The following MYH11 variants were observed in gnomAD, a reference collection of about 807,000 sequenced individuals.
The protein encoded by MYH11 is myosin heavy chain 11, also known as myosin-11.
MYH11 carries 80 observed loss-of-function variants against 246.6 expected under a neutral mutation model. The observed-to-expected ratio is 0.32, with a 90% CI of 0.27 to 0.39. The LOEUF is 0.39. Ranked by LOEUF, MYH11 falls within the 10% of genes least tolerant of loss-of-function variation. The pLI is 1.00. For synonymous variants in MYH11, 1,071 were observed against 1,015.5 expected, an observed-to-expected ratio of 1.05 and a Z score of -1.04; for missense variants, 2,158 against 2,546.8, an observed-to-expected ratio of 0.85 and a Z score of 3.29.
At chr16:15,838,873 A>AAAG (rs1379873477) in intron 1 of MYH11, among the ~76,000 whole-genome samples, 2 of 146,140 alleles carry the variant, frequency 1.4e-5, no homozygotes, top group South Asian at 2.2e-4. Flanking sequence ...AAAAAAAAAA[A>AAAG]AAGAAGAAGA....
chr16:15,773,126 C>A (rs2042143087), intron 8 of MYH11, among the ~76,000 whole-genome samples: 1 of 151,642 alleles, frequency 6.6e-6, no homozygotes, highest in Non-Finnish European at 1.5e-5. Flanking sequence ...GTCCTCAGTG[C>A]CAAAAGTAAC....
chr16:15,797,251 A>G (rs1200384741), intron 4 of MYH11, among the ~76,000 whole-genome samples: 1 of 152,172 alleles, frequency 6.6e-6, no homozygotes, highest in Non-Finnish European at 1.5e-5. Context: ...ATCCATCACC[A>G]TCTGAAATTC....
intron 2 of MYH11, among the ~76,000 whole-genome samples, chr16:15,835,894 A>T (rs1403835020): frequency 6.6e-6 from 1 of 151,440 alleles, no homozygotes; most frequent in African/African-American, 2.4e-5. Context: ...AGCTGGGATT[A>T]TGAGTACGCA....
At chr16:15,720,752 G>C in intron 33 of MYH11, 87 bp downstream of exon 33, 1 of 1,420,082 alleles carries the variant, frequency 7.0e-7, no homozygotes, top group South Asian at 1.1e-5. Context: ...TAAAGAAAAC[G>C]AAGTTTCCAC....
At chr16:15,763,741 T>TGGGCCCCCCCCCCCCC in intron 10 of MYH11, 55 bp downstream of exon 10, 3 of 646,836 alleles carry the variant, frequency 4.6e-6, no homozygotes, top group East Asian at 3.2e-5. Flanking sequence ...AAATGTCACC[T>TGGGCCCCCCCCCCCCC]CCCCCACCCC....
chr16:15,813,745 C>T (rs1337756687), intron 3 of MYH11, among the ~76,000 whole-genome samples: 1 of 151,864 alleles, frequency 6.6e-6, no homozygotes, highest in East Asian at 1.9e-4. Context: ...GGAATCCCAG[C>T]TCTTAGGAAG....
Position 15,750,393 on chromosome 16 carries a change from G to A in MYH11, c.1865-62C>T. The A allele has an allele frequency of 6.6e-7, 1 of 1,507,394 alleles. No homozygotes were observed. The highest frequency in any genetic ancestry group is 8.9e-7 in the Non-Finnish European group (1 of 1,117,634). The allele number at this position is 1,507,394 out of a possible 1,614,324, so 93.4% of individuals were successfully genotyped here. A position where few individuals can be genotyped will look rare whatever the true frequency, so the allele number is the denominator to read the frequency against. On this transcript the variant is annotated intron_variant, in intron 15 of 40. Coordinates refer to ENST00000300036, the MANE Select transcript of MYH11 (RefSeq NM_002474.3). The surrounding 1 kb of genome is among the most constrained non-coding windows in gnomAD (Gnocchi z 4.3). Reference sequence around the variant, plus strand: ...CCACCCACCCCTAAATAGGCCAGAGGCTCAGCCCCAGCCCCACCCACCAAC... The same window carrying A: ...CCACCCACCCCTAAATAGGCCAGAGACTCAGCCCCAGCCCCACCCACCAAC...
intron 20 of MYH11, among the ~76,000 whole-genome samples, chr16:15,742,512 C>G (rs994434367): frequency 2.0e-5 from 3 of 152,086 alleles, no homozygotes; most frequent in African/African-American, 7.2e-5. Context: ...GAGGCCGAGG[C>G]AAGCGCTTGA....
intron 27 of MYH11, among the ~76,000 whole-genome samples, chr16:15,728,767 G>A (rs1248869596): frequency 2.0e-5 from 3 of 152,082 alleles, no homozygotes. Flanking sequence ...GGGCATGGTG[G>A]CAGTCACCTG....
intron 5 of MYH11, chr16:15,786,361 G>A: frequency 1.6e-6 from 1 of 607,312 alleles, no homozygotes; most frequent in Non-Finnish European, 3.0e-6. Context: ...CCCCGACGTG[G>A]AGGAAGATCT....
At chr16:15,742,614 C>T (rs1275278826) in intron 20 of MYH11, among the ~76,000 whole-genome samples, 1 of 151,912 alleles carries the variant, frequency 6.6e-6, no homozygotes, top group East Asian at 2.0e-4. Flanking sequence ...GCCTGTAGTC[C>T]CAGCTAGTGA....
intron 2 of MYH11, among the ~76,000 whole-genome samples, chr16:15,827,494 G>A (rs1217066117): frequency 6.6e-6 from 1 of 152,136 alleles, no homozygotes; most frequent in African/African-American, 2.4e-5. Flanking sequence ...GAGGTAAGCG[G>A]GGCCCAGGAG....
chr16:15,776,640 A>G (rs1352571783), intron 7 of MYH11, among the ~76,000 whole-genome samples: 1 of 152,214 alleles, frequency 6.6e-6, no homozygotes. Flanking sequence ...GGTGTTTTCA[A>G]TAAGGGGAAA....
Position 15,762,904 on chromosome 16 carries a change from A to G in MYH11, c.1129+892T>C, listed in dbSNP as rs1021396339. 4.6e-5 allele frequency among the ~76,000 whole-genome samples: 7 copies of G among 152,140 alleles called. 1 individual carries two copies. Among genetic ancestry groups the G allele is most frequent in the African/African-American group, 1.7e-4 (7 of 41,426 alleles). On this transcript the variant is annotated intron_variant, in intron 10 of 40. Transcript: ENST00000300036. ...CTAGGGAGCGGGAAAAAGCAACACA[A>G]TATACAGCCTGGGCTGGGAAATAAG...
chr16:15,758,606 C>T (rs2041791313), intron 12 of MYH11, among the ~76,000 whole-genome samples: 1 of 150,824 alleles, frequency 6.6e-6, no homozygotes, highest in South Asian at 2.1e-4. Flanking sequence ...GAGTTTGAGA[C>T]TAGCCTGGCC....
Position 15,735,572 on chromosome 16 carries a change from G to A in MYH11, c.3300C>T (p.Asp1100=), listed in dbSNP as rs761918065. The change falls in exon 26 of 41, where the codon GAC becomes GAT. Residue 1100 remains aspartate (D), a synonymous_variant. Transcript: ENST00000300036. ...CATTGTTCTTCTGAGCGATTTCATC[G>A]TCAAGCCTTCCAGGGAGAGACCCAG... ...EELQAALARL[D]DEIAQKNNAL... is the part of the protein sequence containing the mutation. 5.5e-5 allele frequency: 88 copies of A among 1,614,034 alleles called. No homozygotes were observed. The highest frequency in any genetic ancestry group is 4.9e-4 in the Middle Eastern group (3 of 6,084).
At chr16:15,753,534 A>G in intron 14 of MYH11, 26 bp from the exon 15 acceptor site, 1 of 1,582,838 alleles carries the variant, frequency 6.3e-7, no homozygotes, top group Non-Finnish European at 8.7e-7. Flanking sequence ...TGCTGGTCAG[A>G]ACCCCTGGGA....
intron 3 of MYH11, among the ~76,000 whole-genome samples, chr16:15,799,615 G>A (rs1392653933): frequency 2.0e-5 from 3 of 152,220 alleles, no homozygotes; most frequent in African/African-American, 7.2e-5. Context: ...AGAGGCCTCT[G>A]AGGTGGAGCC....
At chr16:15,711,848 A>G (rs868237454) in intron 40 of MYH11, among the ~76,000 whole-genome samples, 1 of 152,100 alleles carries the variant, frequency 6.6e-6, no homozygotes, top group African/African-American at 2.4e-5. Context: ...ACGCCCCACC[A>G]TACCCGGCTA....
Sources: gnomAD v4.1 joint callset for allele counts (sites outside exome capture counted in the v4.1 genomes callset) on GRCh38, gnomAD v4.1.1 for gene constraint, Gnocchi (gnomAD v3.1) non-coding constraint, MANE v1.5 for transcripts, NCBI Gene and HGNC (gene_info 2026-07-23, HGNC 2026-07-21) for gene names.